SHISA9: variants seen among roughly 807,000 people sequenced by gnomAD.
SHISA9 encodes protein shisa-9.
Under a neutral mutation model 38.0 loss-of-function variants are expected in SHISA9, and 13 were observed. That is an observed-to-expected ratio of 0.34 (90% confidence interval 0.22 to 0.54). SHISA9 has a LOEUF of 0.54. SHISA9 is among the 20% of genes least tolerant of loss of function. The pLI, the probability that SHISA9 is intolerant of heterozygous loss-of-function variation, is 0.91. For missense variants in SHISA9, 538 were observed against 575.8 expected, an observed-to-expected ratio of 0.93 and a Z score of 0.67; for synonymous variants, 275 against 242.0, an observed-to-expected ratio of 1.14 and a Z score of -1.27.
At chr16:13,272,854 A>G in the SHISA9 span, among the ~76,000 whole-genome samples, 1 of 152,142 alleles carries the variant, frequency 6.6e-6, no homozygotes, top group African/African-American at 2.4e-5. Flanking sequence ...CATCAGAACT[A>G]TACCTATATT....
the SHISA9 span, among the ~76,000 whole-genome samples, chr16:13,539,328 TCTTTATATATATATAAAG>T: frequency 0.011 from 299 of 27,098 alleles, 35 homozygotes; most frequent in African/African-American, 0.024. Flanking sequence ...AAAGACAGGA[TCTTTATATATATATAAAG>T]ATATATATAT....
chr16:13,241,718 T>A (rs979873768), downstream of SHISA9, among the ~76,000 whole-genome samples: 5 of 152,054 alleles, frequency 3.3e-5, no homozygotes, highest in African/African-American at 1.2e-4. Context: ...AAAGGGGAGA[T>A]TTGCAGTCAG....
chr16:13,345,626 C>T, the SHISA9 span, among the ~76,000 whole-genome samples: 1 of 152,102 alleles, frequency 6.6e-6, no homozygotes, highest in Non-Finnish European at 1.5e-5. Context: ...CAGTAATGGT[C>T]TTGCTGGGTC....
chr16:13,264,389 T>C, the SHISA9 span, among the ~76,000 whole-genome samples: 1 of 152,154 alleles, frequency 6.6e-6, no homozygotes, highest in South Asian at 2.1e-4. Flanking sequence ...GCCAGTCTGG[T>C]CTCGAACTCC....
chr16:13,453,791 G>C, the SHISA9 span, among the ~76,000 whole-genome samples: 1 of 152,204 alleles, frequency 6.6e-6, no homozygotes, highest in Non-Finnish European at 1.5e-5. Context: ...AGGTCTGGTT[G>C]GTTGTTGTCT....
intron 2 of SHISA9, among the ~76,000 whole-genome samples, chr16:13,098,647 G>C (rs1406919097): frequency 2.0e-5 from 3 of 152,230 alleles, no homozygotes; most frequent in Non-Finnish European, 2.9e-5. Context: ...GTGGTTTCTG[G>C]AGGCTGCAGG....
the SHISA9 span, among the ~76,000 whole-genome samples, chr16:13,464,805 T>C: frequency 1.3e-5 from 2 of 152,028 alleles, no homozygotes; most frequent in Admixed American, 6.6e-5. Context: ...TCCCGAGATA[T>C]GTTCTATTTC....
intron 2 of SHISA9, among the ~76,000 whole-genome samples, chr16:12,935,999 G>T (rs1228011652): frequency 6.6e-6 from 1 of 152,102 alleles, no homozygotes; most frequent in African/African-American, 2.4e-5. Flanking sequence ...TGAAGAGAGG[G>T]GCTGCCTTCC....
Position 12,902,470 on chromosome 16 carries a change from G to A in SHISA9, c.406G>A (p.Ala136Thr), listed in dbSNP as rs1355387896. 9 of 1,551,330 alleles carry A rather than the reference G, an allele frequency of 5.8e-6. No homozygotes were observed. The highest frequency in any genetic ancestry group is 7.8e-6 in the Non-Finnish European group (9 of 1,146,998). Residue 136 changes from alanine (A) to threonine (T), a missense_variant, in exon 1 of 5, where the codon GCC becomes ACC. Coordinates refer to ENST00000558583, the MANE Select transcript of SHISA9 (RefSeq NM_001145204.3). ...PLWLNTGKPP[A>T]RKDDPLHDPT... ...CTGGCTCAACACCGGCAAGCCCCCC[G>A]CCCGCAAGGACGACCCCTTGCACGA...
chr16:13,234,758 T>TG (rs1334499241), intron 4 of SHISA9, among the ~76,000 whole-genome samples: 2 of 151,910 alleles, frequency 1.3e-5, no homozygotes, highest in Non-Finnish European at 2.9e-5. Context: ...GGTGGGACTG[T>TG]GGGGGGAGAA....
the SHISA9 span, among the ~76,000 whole-genome samples, chr16:13,343,915 G>A: frequency 2.0e-4 from 31 of 152,134 alleles, no homozygotes; most frequent in Non-Finnish European, 2.9e-5. Context: ...GAAAAACACG[G>A]TGGATTAACA....
At chr16:13,433,702 C>G in the SHISA9 span, among the ~76,000 whole-genome samples, 1 of 152,198 alleles carries the variant, frequency 6.6e-6, no homozygotes, top group African/African-American at 2.4e-5. Context: ...TGGGTAAAAA[C>G]TCTGGGAATG....
intron 2 of SHISA9, among the ~76,000 whole-genome samples, chr16:13,184,871 G>T (rs1245425379): frequency 6.6e-6 from 1 of 152,122 alleles, no homozygotes; most frequent in Non-Finnish European, 1.5e-5. Context: ...CTCAGTTTTT[G>T]GCAATTATGA....
chr16:13,428,279 A>C, the SHISA9 span, among the ~76,000 whole-genome samples: 1 of 152,160 alleles, frequency 6.6e-6, no homozygotes, highest in Non-Finnish European at 1.5e-5. Flanking sequence ...AATAACTAGC[A>C]AGAAAAACAA....
intron 2 of SHISA9, among the ~76,000 whole-genome samples, chr16:13,023,461 A>G (rs898561765): frequency 1.3e-5 from 2 of 152,182 alleles, no homozygotes; most frequent in African/African-American, 4.8e-5. Context: ...GCTATTGTGA[A>G]TAGTGCCGCA....
At chr16:13,510,026 C>T in the SHISA9 span, among the ~76,000 whole-genome samples, 6 of 152,176 alleles carry the variant, frequency 3.9e-5, no homozygotes, top group African/African-American at 9.6e-5. Flanking sequence ...AAAACTGAGA[C>T]TAGCCTCAGT....
At chr16:13,309,669 G>A in the SHISA9 span, among the ~76,000 whole-genome samples, 1 of 150,014 alleles carries the variant, frequency 6.7e-6, no homozygotes, top group African/African-American at 2.4e-5. Flanking sequence ...AAAGAAAGTT[G>A]GAGAAAAAAT....
At chr16:13,414,075 T>G in the SHISA9 span, among the ~76,000 whole-genome samples, 27 of 152,348 alleles carry the variant, frequency 1.8e-4, no homozygotes, top group Middle Eastern at 6.8e-3. Flanking sequence ...TGATGGTCTT[T>G]TCCCCATGAG....
intron 2 of SHISA9, among the ~76,000 whole-genome samples, chr16:13,179,281 C>G (rs550240510): frequency 6.6e-6 from 1 of 152,168 alleles, no homozygotes; most frequent in Non-Finnish European, 1.5e-5. Flanking sequence ...CACTGCACCC[C>G]AGCCCAGGTG....
Sources: allele counts gnomAD v4.1 joint callset (sites outside exome capture counted in the v4.1 genomes callset), GRCh38; gene constraint gnomAD v4.1.1; transcripts MANE v1.5; gene names NCBI Gene and HGNC (gene_info 2026-07-23, HGNC 2026-07-21).